The following SPECC1 variants were observed in gnomAD, a reference collection of about 807,000 sequenced individuals.
The protein encoded by SPECC1 is cytospin-B.
SPECC1 carries 62 observed loss-of-function variants against 104.1 expected under a neutral mutation model. The ratio of observed to expected loss-of-function variants is 0.60; its 90% confidence interval spans 0.49 to 0.74. SPECC1 has a LOEUF of 0.74. SPECC1 is among the 30% of genes least tolerant of loss of function. The probability of loss-of-function intolerance (pLI) is 0.00; values close to 1 mark genes in which losing one functional copy is unlikely to be tolerated. For missense variants in SPECC1, 1,306 were observed against 1,310.5 expected, an observed-to-expected ratio of 1.00 and a Z score of 0.05; for synonymous variants, 513 against 501.6, an observed-to-expected ratio of 1.02 and a Z score of -0.30.
chr17:20,036,729 A>G (rs569914304), intron 1 of SPECC1, among the ~76,000 whole-genome samples: 2 of 152,206 alleles, frequency 1.3e-5, no homozygotes, highest in Non-Finnish European at 2.9e-5. Flanking sequence ...TACATTTTCT[A>G]TGAGACAATC....
chr17:20,240,282 T>C (rs1293068712), intron 7 of SPECC1, among the ~76,000 whole-genome samples: 1 of 151,860 alleles, frequency 6.6e-6, no homozygotes, highest in Non-Finnish European at 1.5e-5. Context: ...TTACTAGTTT[T>C]GCAACTTTTC....
Position 20,205,005 on chromosome 17 carries a change from T to A in SPECC1, c.956T>A (p.Val319Asp). The change falls in exon 4 of 15, where the codon GTT becomes GAT. Residue 319 changes from valine (V) to aspartate (D), a missense_variant. By Grantham distance (152) the Val-to-Asp change is radical (BLOSUM62 -3). Around this residue, in one of 2 missense-constraint regions of SPECC1, gnomAD observed 1,177 missense variants for 1,139.9 expected, o/e 1.03. Transcript: ENST00000395527. ...ACATCAGGCTCCTCAAGTAGCGATG[T>A]TACCAAAGCTTCTTTGTCGCCAGAT... ...LRTSGSSSSD[V>D]TKASLSPDAS... The A allele has an allele frequency of 6.2e-7, 1 of 1,614,146 alleles. No individual in the cohort carries two copies. Among genetic ancestry groups the A allele is most frequent in the South Asian group, 1.1e-5 (1 of 91,072 alleles).
At chr17:20,189,612 CAG>C (rs2035519241) in intron 3 of SPECC1, among the ~76,000 whole-genome samples, 1 of 152,172 alleles carries the variant, frequency 6.6e-6, no homozygotes, top group African/African-American at 2.4e-5. Context: ...CATCCTGACA[CAG>C]AGCGGTCACT....
At chr17:20,172,674 A>G (rs1386014696) in intron 3 of SPECC1, among the ~76,000 whole-genome samples, 2 of 152,174 alleles carry the variant, frequency 1.3e-5, no homozygotes, top group East Asian at 3.9e-4. Context: ...AGGAAGAGTG[A>G]GGACTGAAGC....
chr17:20,050,404 T>C lies in SPECC1; in HGVS notation c.-22+40980T>C, dbSNP rs73299614. Reference sequence around the variant, plus strand: ...GTATATGTTTGAACCTAATTCTTGGTCTAGTCCATGTCTGTTTGTCTATTC... The same window carrying C: ...GTATATGTTTGAACCTAATTCTTGGCCTAGTCCATGTCTGTTTGTCTATTC... On this transcript the variant is annotated intron_variant, in intron 1 of 14. Coordinates refer to ENST00000395527, the MANE Select transcript of SPECC1 (RefSeq NM_001243439.2). 9.0e-3 allele frequency among the ~76,000 whole-genome samples: 1,367 copies of C among 152,310 alleles called. 25 individuals carry two copies. The highest frequency in any genetic ancestry group is 0.031 in the African/African-American group (1,298 of 41,540).
chr17:20,170,412 A>G lies in SPECC1; in HGVS notation c.284-33921A>G, dbSNP rs1053277712. Among the ~76,000 whole-genome samples, 5 of 152,204 alleles carry G rather than the reference A, an allele frequency of 3.3e-5. No individual in the cohort carries two copies. The East Asian group carries it at 9.6e-4, about 29-fold the overall frequency. ...GGTTGGCCAAATGTTTTATATTGGG[A>G]TTAAAGAAATTATTTTAGTACCACA... is the stretch of plus-strand genomic sequence containing the variant. On this transcript the variant is annotated intron_variant, in intron 3 of 14. Coordinates refer to ENST00000395527, the MANE Select transcript of SPECC1 (RefSeq NM_001243439.2).
chr17:20,105,124 G>T (rs1421514694), intron 2 of SPECC1, among the ~76,000 whole-genome samples: 1 of 151,906 alleles, frequency 6.6e-6, no homozygotes, highest in Non-Finnish European at 1.5e-5. Context: ...GGGAGACAGG[G>T]TTTTGCTCTG....
chr17:20,287,320 G>A (rs906546929), intron 12 of SPECC1, among the ~76,000 whole-genome samples: 1 of 151,302 alleles, frequency 6.6e-6, no homozygotes, highest in Admixed American at 6.6e-5. Flanking sequence ...GGGAGGCTGA[G>A]GCAGGAGAAT....
At chr17:20,265,723 G>A (rs575896478) in intron 12 of SPECC1, among the ~76,000 whole-genome samples, 3 of 152,198 alleles carry the variant, frequency 2.0e-5, no homozygotes, top group Admixed American at 6.5e-5. Context: ...TTTATAGTTC[G>A]AAGTCTTATA....
rs12452775 is a variant in SPECC1, at chr17:20,032,932, G to C, written c.-22+23508G>C. On this transcript the variant is annotated intron_variant, in intron 1 of 14. Transcript: ENST00000395527. The stretch of plus-strand genomic sequence containing the variant: ...TATGTGTATGTGTATATACACACAC[G>C]CGCGCACACACACACACACACATAT... 3.4e-5 allele frequency among the ~76,000 whole-genome samples: 5 copies of C among 146,392 alleles called. No homozygotes were observed. The East Asian group carries it at 9.9e-4, about 29-fold the overall frequency.
At chr17:20,016,851 T>C (rs1378486581) in intron 1 of SPECC1, among the ~76,000 whole-genome samples, 1 of 152,264 alleles carries the variant, frequency 6.6e-6, no homozygotes, top group East Asian at 1.9e-4. Context: ...CCTGTGGCAC[T>C]GATGCCGGAT....
chr17:20,169,047 A>G (rs1202706423), intron 3 of SPECC1, among the ~76,000 whole-genome samples: 2 of 151,858 alleles, frequency 1.3e-5, no homozygotes, highest in Admixed American at 6.6e-5. Flanking sequence ...TAATTTTTGT[A>G]TTTTTTGTAG....
chr17:20,141,271 C>A (rs2030763581), intron 3 of SPECC1, among the ~76,000 whole-genome samples: 1 of 152,196 alleles, frequency 6.6e-6, no homozygotes, highest in African/African-American at 2.4e-5. Flanking sequence ...GCTTCTCCTG[C>A]CTAATAACTC....
intron 3 of SPECC1, among the ~76,000 whole-genome samples, chr17:20,144,860 A>T (rs1262168491): frequency 1.3e-5 from 2 of 152,330 alleles, no homozygotes; most frequent in East Asian, 3.9e-4. Context: ...TGGATCACCT[A>T]ATGAATCAGT....
At chr17:20,235,690 C>T (rs894783559) in intron 7 of SPECC1, among the ~76,000 whole-genome samples, 2 of 152,184 alleles carry the variant, frequency 1.3e-5, no homozygotes, top group Non-Finnish European at 2.9e-5. Flanking sequence ...TTTAGGGTGA[C>T]TTATCTGATT....
intron 1 of SPECC1, among the ~76,000 whole-genome samples, chr17:20,013,238 C>G (rs1475904828): frequency 6.6e-6 from 1 of 152,210 alleles, no homozygotes; most frequent in Non-Finnish European, 1.5e-5. Flanking sequence ...ATTGTTGGAT[C>G]AAGTAGTACT....
chr17:20,257,734 A>G, intron 11 of SPECC1, 127 bp downstream of exon 11: 32 of 1,249,952 alleles, frequency 2.6e-5, no homozygotes, highest in Non-Finnish European at 3.6e-5. Context: ...TGACTAAGAC[A>G]CTGTGCCTGC....
Position 20,083,649 on chromosome 17 carries a change from G to A in SPECC1, c.-21-12982G>A, listed in dbSNP as rs184554345. Among the ~76,000 whole-genome samples, 988 of 150,142 alleles carry A rather than the reference G, an allele frequency of 6.6e-3. 18 individuals are homozygous for A. The highest frequency in any genetic ancestry group is 3.8e-3 in the Non-Finnish European group (251 of 66,652). On this transcript the variant is annotated intron_variant, in intron 1 of 14. Coordinates refer to ENST00000395527, the MANE Select transcript of SPECC1 (RefSeq NM_001243439.2). ...GTTTATGTATCCACTCACTGTTGAG[G>A]GAGAGTTAGGTTGCTTGACTTTTGC...
At chr17:20,289,338 G>C (rs919037669) in intron 12 of SPECC1, among the ~76,000 whole-genome samples, 2 of 152,042 alleles carry the variant, frequency 1.3e-5, no homozygotes, top group Non-Finnish European at 2.9e-5. Context: ...GTCTTGCTCT[G>C]ATGTCCAGGC....
Sources: allele counts gnomAD v4.1 joint callset (sites outside exome capture counted in the v4.1 genomes callset), GRCh38; gene constraint gnomAD v4.1.1; regional missense constraint gnomAD v4.1.1; transcripts MANE v1.5; gene names NCBI Gene and HGNC (gene_info 2026-07-23, HGNC 2026-07-21).